Variants in KIZ observed in about 807,000 individuals in gnomAD.
KIZ encodes the protein kizuna centrosomal protein, also known as centrosomal protein kizuna.
In KIZ, 68 loss-of-function variants were observed where a neutral mutation model predicts 79.6. The ratio of observed to expected loss-of-function variants is 0.85; its 90% CI spans 0.70 to 1.05. KIZ has a LOEUF of 1.05. Ranked by LOEUF, KIZ falls within the 50% of genes least tolerant of loss-of-function variation. KIZ has a pLI of 0.00. For synonymous variants in KIZ, 280 were observed against 281.8 expected (o/e 0.99, Z 0.06); for missense variants, 797 against 800.4 (o/e 1.00, Z 0.05).
At chr20:21,172,090 A>G (rs548848224) in intron 6 of KIZ, among the ~76,000 whole-genome samples, 4 of 152,298 alleles carry the variant, frequency 2.6e-5, no homozygotes, top group Non-Finnish European at 4.4e-5. Context: ...CTAATCCACA[A>G]AAGCATGAGA....
chr20:21,147,996 G>A (rs910914985), intron 4 of KIZ, among the ~76,000 whole-genome samples: 2 of 51,132 alleles, frequency 3.9e-5, no homozygotes, highest in Admixed American at 1.8e-4. Flanking sequence ...TGTGTGTGTG[G>A]CAGCAGATGA....
intron 6 of KIZ, among the ~76,000 whole-genome samples, chr20:21,164,081 T>C (rs1318510570): frequency 6.6e-6 from 1 of 152,202 alleles, no homozygotes; most frequent in Non-Finnish European, 1.5e-5. Context: ...GTCACACCAC[T>C]GCCCCACCCC....
At chr20:21,203,437 T>C (rs1355892617) in intron 6 of KIZ, among the ~76,000 whole-genome samples, 1 of 152,234 alleles carries the variant, frequency 6.6e-6, no homozygotes, top group Non-Finnish European at 1.5e-5. Context: ...CATAATGTTT[T>C]GTTACCCCAT....
chr20:21,165,201 A>G (rs571439433), intron 6 of KIZ, among the ~76,000 whole-genome samples: 26 of 152,364 alleles, frequency 1.7e-4, no homozygotes, highest in African/African-American at 6.3e-4. Flanking sequence ...AGATGCATAA[A>G]TGGGACAAAG....
intron 3 of KIZ, chr20:21,139,173 C>T (rs1281241757): frequency 6.8e-6 from 1 of 146,854 alleles, no homozygotes; most frequent in Non-Finnish European, 1.5e-5. Context: ...GTTTTATCGT[C>T]TTATATTTGG....
chr20:21,154,876 T>C (rs1327199604), intron 4 of KIZ, among the ~76,000 whole-genome samples: 1 of 152,234 alleles, frequency 6.6e-6, no homozygotes, highest in Non-Finnish European at 1.5e-5. Flanking sequence ...GACACCTGTC[T>C]TAGAGCCTGA....
intron 9 of KIZ, among the ~76,000 whole-genome samples, chr20:21,226,547 C>T (rs1176316014): frequency 1.3e-5 from 2 of 152,126 alleles, no homozygotes; most frequent in South Asian, 2.1e-4. Flanking sequence ...ATAGGGAGAG[C>T]GACTCCATCT....
chr20:21,220,015 T>C (rs149998224), intron 9 of KIZ, among the ~76,000 whole-genome samples: 1 of 152,220 alleles, frequency 6.6e-6, no homozygotes, highest in African/African-American at 2.4e-5. Flanking sequence ...CTAGTTGTTG[T>C]TCACTAAAGA....
At chr20:21,223,581 A>C (rs907730333) in intron 9 of KIZ, among the ~76,000 whole-genome samples, 1 of 151,668 alleles carries the variant, frequency 6.6e-6, no homozygotes, top group Non-Finnish European at 1.5e-5. Flanking sequence ...CTGCCTTTTT[A>C]AAAAAAAATT....
intron 1 of KIZ, among the ~76,000 whole-genome samples, chr20:21,129,413 A>G (rs114910017): frequency 0.013 from 1,933 of 152,234 alleles, 31 homozygotes; most frequent in African/African-American, 0.044. Flanking sequence ...GTCCTTTTTC[A>G]CTAGAAGTCA....
intron 6 of KIZ, chr20:21,196,200 A>G (rs867061912): frequency 6.6e-6 from 1 of 152,280 alleles, no homozygotes; most frequent in African/African-American, 2.4e-5. Flanking sequence ...ACTATGACCA[A>G]CAGCAACCCC....
At chr20:21,151,963 C>T (rs1296393507) in intron 4 of KIZ, 1 of 152,188 alleles carries the variant, frequency 6.6e-6, no homozygotes, top group African/African-American at 2.4e-5. Context: ...GAGAGAGCAC[C>T]CTCATGATCA....
At chr20:21,129,620 A>G (rs983769397) in intron 1 of KIZ, among the ~76,000 whole-genome samples, 1 of 152,060 alleles carries the variant, frequency 6.6e-6, no homozygotes, top group African/African-American at 2.4e-5. Flanking sequence ...CTGTAATCCT[A>G]GCTACTTGGG....
chr20:21,204,723 A>G (rs2035744398), intron 6 of KIZ, among the ~76,000 whole-genome samples: 1 of 152,172 alleles, frequency 6.6e-6, no homozygotes, highest in Non-Finnish European at 1.5e-5. Context: ...TTCTTTAATG[A>G]ACTTTGGTTC....
chr20:21,224,564 C>A (rs1032118500), intron 9 of KIZ, among the ~76,000 whole-genome samples: 1 of 152,232 alleles, frequency 6.6e-6, no homozygotes, highest in Non-Finnish European at 1.5e-5. Flanking sequence ...CTTACTCAAA[C>A]ATACCCAGTT....
At chr20:21,141,823 A>ACACTCT (rs1403117528) in intron 3 of KIZ, among the ~76,000 whole-genome samples, 18 of 104,060 alleles carry the variant, frequency 1.7e-4, no homozygotes, top group African/African-American at 6.7e-4. Flanking sequence ...ACACACACAC[A>ACACTCT]CTCTCTCTCT....
chr20:21,192,806 A>G (rs1252410137), intron 6 of KIZ, among the ~76,000 whole-genome samples: 1 of 152,158 alleles, frequency 6.6e-6, no homozygotes, highest in African/African-American at 2.4e-5. Flanking sequence ...TTTTTAGGGG[A>G]AAATGAATGG....
At chr20:21,238,540 T>C (rs2037110014) in intron 11 of KIZ, among the ~76,000 whole-genome samples, 1 of 152,196 alleles carries the variant, frequency 6.6e-6, no homozygotes, top group Non-Finnish European at 1.5e-5. Flanking sequence ...CTGGGGTTCT[T>C]TCCTGGCTGC....
In KIZ at chr20:21,222,373, G is replaced by A. The variant is rs193108303; in HGVS notation, c.1679-6638G>A. On this transcript the variant is annotated intron_variant, in intron 9 of 12. Coordinates refer to ENST00000619189, the MANE Select transcript of KIZ (RefSeq NM_018474.6). ...TCTGAACCTCTGGGAGTGGCACCCA[G>A]GCATAAGTACTTTATAACACATCCA... Among the ~76,000 whole-genome samples, 600 of 152,254 alleles carry A rather than the reference G, an allele frequency of 3.9e-3. 25 individuals carry two copies. Among genetic ancestry groups the A allele is most frequent in the Admixed American group, 0.036 (557 of 15,292 alleles).
Sources: gnomAD v4.1 joint callset for allele counts (sites outside exome capture counted in the v4.1 genomes callset) on GRCh38, gnomAD v4.1.1 for gene constraint, MANE v1.5 for transcripts, NCBI Gene and HGNC (gene_info 2026-07-23, HGNC 2026-07-21) for gene names.